Variants in ACBD6 observed in about 807,000 individuals in gnomAD.
ACBD6 encodes acyl-CoA binding domain containing 6.
ACBD6 carries 28 observed loss-of-function variants against 37.2 expected under a neutral mutation model. The observed-to-expected ratio is 0.75, with a 90% CI of 0.56 to 1.03. The LOEUF is 1.03. Among genes scored for constraint, ACBD6 ranks in the 50% least tolerant of loss-of-function variants. The pLI, the probability that ACBD6 is intolerant of heterozygous loss-of-function variation, is 0.00. For synonymous variants in ACBD6, 113 were observed against 126.8 expected (o/e 0.89, Z 0.73); for missense variants, 340 against 337.4 (o/e 1.01, Z -0.06).
chr1:180,288,112 T>C (rs1649562779), downstream of ACBD6: 7 of 463,674 alleles, frequency 1.5e-5, no homozygotes, highest in Non-Finnish European at 2.0e-5. Flanking sequence ...AAAGCAGTGA[T>C]AAATTTCAGA....
intron 6 of ACBD6, among the ~76,000 whole-genome samples, chr1:180,374,526 A>G (rs1223788163): frequency 3.9e-5 from 6 of 152,210 alleles, no homozygotes; most frequent in Non-Finnish European, 1.5e-5. Context: ...CAGCAGAAAA[A>G]GAAGATCAAC....
intron 6 of ACBD6, among the ~76,000 whole-genome samples, chr1:180,323,714 A>G (rs920838364): frequency 6.6e-6 from 1 of 151,758 alleles, no homozygotes; most frequent in African/African-American, 2.4e-5. Flanking sequence ...AACTATAGCT[A>G]CTCCTGCTCT....
intron 6 of ACBD6, among the ~76,000 whole-genome samples, chr1:180,380,473 A>G (rs1653597113): frequency 6.6e-6 from 1 of 152,174 alleles, no homozygotes; most frequent in East Asian, 1.9e-4. Context: ...ACCCAGCACA[A>G]TTATCCTTTG....
intron 6 of ACBD6, among the ~76,000 whole-genome samples, chr1:180,341,822 G>C (rs74745344): frequency 0.02 from 2,978 of 150,512 alleles, 98 homozygotes; most frequent in African/African-American, 0.068. Context: ...GGTATTGTTG[G>C]TACACTCTCT....
At chr1:180,452,038 A>G (rs1649726595) in intron 3 of ACBD6, among the ~76,000 whole-genome samples, 1 of 152,344 alleles carries the variant, frequency 6.6e-6, no homozygotes, top group South Asian at 2.1e-4. Flanking sequence ...GAAATAAACA[A>G]GTTCTTTGAA....
intron 7 of ACBD6, among the ~76,000 whole-genome samples, chr1:180,292,234 C>G (rs1649737730): frequency 6.6e-6 from 1 of 152,070 alleles, no homozygotes; most frequent in Non-Finnish European, 1.5e-5. Context: ...TGATTGGGAC[C>G]CCGCTGAATC....
intron 6 of ACBD6, among the ~76,000 whole-genome samples, chr1:180,368,675 C>T (rs1653142961): frequency 6.6e-6 from 1 of 151,666 alleles, no homozygotes; most frequent in Non-Finnish European, 1.5e-5. Flanking sequence ...CAGTGAATGC[C>T]TGAATGGTGG....
intron 6 of ACBD6, among the ~76,000 whole-genome samples, chr1:180,352,299 A>G (rs1652449964): frequency 6.6e-6 from 1 of 152,054 alleles, no homozygotes. Flanking sequence ...TTTAGAGATG[A>G]GGTCTTGCTA....
chr1:180,306,422 C>T (rs1378538147), intron 7 of ACBD6, among the ~76,000 whole-genome samples: 1 of 152,130 alleles, frequency 6.6e-6, no homozygotes, highest in Non-Finnish European at 1.5e-5. Flanking sequence ...CATTATTAGA[C>T]TCTCAGAAGC....
intron 3 of ACBD6, among the ~76,000 whole-genome samples, chr1:180,486,335 C>A (rs1003833367): frequency 6.6e-6 from 1 of 152,196 alleles, no homozygotes; most frequent in Non-Finnish European, 1.5e-5. Context: ...ACAAAAAAAT[C>A]AATGCAAACC....
At chr1:180,401,162 C>T (rs921670239) in intron 5 of ACBD6, among the ~76,000 whole-genome samples, 2 of 152,102 alleles carry the variant, frequency 1.3e-5, no homozygotes, top group African/African-American at 4.8e-5. Flanking sequence ...TGTTAGGCCA[C>T]CAGAAGACCA....
chr1:180,287,630 G>C (rs1649548304), downstream of ACBD6, among the ~76,000 whole-genome samples: 1 of 137,188 alleles, frequency 7.3e-6, no homozygotes, highest in South Asian at 2.3e-4. Context: ...CATATGACAT[G>C]GTCATTATAG....
chr1:180,414,351 A>G (rs1251277254), intron 4 of ACBD6, among the ~76,000 whole-genome samples: 1 of 152,250 alleles, frequency 6.6e-6, no homozygotes, highest in Non-Finnish European at 1.5e-5. Flanking sequence ...GATGTGTTTT[A>G]TAACCTGCAA....
At chr1:180,344,623 T>C (rs548319890) in intron 6 of ACBD6, among the ~76,000 whole-genome samples, 1 of 152,184 alleles carries the variant, frequency 6.6e-6, no homozygotes, top group South Asian at 2.1e-4. Flanking sequence ...CGAATACCCA[T>C]TGTGTGCTGG....
At chr1:180,298,823 A>G (rs959566780) in intron 7 of ACBD6, among the ~76,000 whole-genome samples, 3 of 152,254 alleles carry the variant, frequency 2.0e-5, no homozygotes, top group African/African-American at 7.2e-5. Context: ...ACATGACAGC[A>G]TAAACAATGA....
intron 6 of ACBD6, among the ~76,000 whole-genome samples, chr1:180,379,164 T>C (rs976660337): frequency 5.3e-5 from 8 of 152,148 alleles, no homozygotes; most frequent in East Asian, 1.9e-4. Context: ...CTATTTACAG[T>C]TGAAGAAATC....
intron 6 of ACBD6, among the ~76,000 whole-genome samples, chr1:180,317,951 C>A (rs1032076071): frequency 6.6e-6 from 1 of 152,038 alleles, no homozygotes; most frequent in Non-Finnish European, 1.5e-5. Flanking sequence ...CCAAGGTGGG[C>A]GGATTGCCTG....
At chr1:180,378,786 G>C (rs1412884783) in intron 6 of ACBD6, among the ~76,000 whole-genome samples, 1 of 152,002 alleles carries the variant, frequency 6.6e-6, no homozygotes, top group African/African-American at 2.4e-5. Flanking sequence ...GCACCCCCCA[G>C]CATGTGCTAC....
chr1:180,434,908 A>T (rs1397984699), intron 3 of ACBD6: 1 of 775,214 alleles, frequency 1.3e-6, no homozygotes, highest in East Asian at 2.4e-5. Context: ...AATGAATTGG[A>T]ATTTACAAGC....
Sources: allele counts gnomAD v4.1 joint callset (sites outside exome capture counted in the v4.1 genomes callset), GRCh38; gene constraint gnomAD v4.1.1; transcripts MANE v1.5; gene names NCBI Gene and HGNC (gene_info 2026-07-23, HGNC 2026-07-21).